The following PHEX variants were observed in gnomAD, a reference collection of about 807,000 sequenced individuals.
PHEX encodes phosphate-regulating neutral endopeptidase PHEX.
PHEX carries 16 observed loss-of-function variants against 68.0 expected under a neutral mutation model. The observed-to-expected ratio is 0.24, with a 90% CI of 0.16 to 0.36. PHEX has a LOEUF of 0.36. Ranked by LOEUF, PHEX falls within the 10% of genes least tolerant of loss-of-function variation. The pLI is 1.00. For synonymous variants in PHEX, 208 were observed against 205.1 expected (o/e 1.01, Z -0.12); for missense variants, 480 against 575.5 (o/e 0.83, Z 1.70).
rs1929222710 is a variant in PHEX, at chrX:22,077,728, T to G, written c.663+26T>G. On this transcript the variant is annotated intron_variant, in intron 5 of 21. Transcript: ENST00000379374. ...GTATAATGAGGACCCATTCATCTTC[T>G]TTGCTCAGTCCTAGATTAGCCTTTT... The G allele has an allele frequency of 2.7e-6, 3 of 1,109,330 alleles. No individual in the cohort carries two copies. The African/African-American group carries it at 5.4e-5, about 20-fold the overall frequency. The allele number at this position is 1,109,330 out of a possible 1,213,427, so 91.4% of individuals were successfully genotyped here. A position where few individuals can be genotyped will look rare whatever the true frequency, so the allele number is the denominator to read the frequency against.
intron 8 of PHEX, chrX:22,097,720 G>A: frequency 1.4e-6 from 1 of 725,457 alleles, no homozygotes; most frequent in Non-Finnish European, 1.6e-6. Context: ...TGGTGTTTTA[G>A]GTAGGATAGG....
At chrX:22,236,718 G>C (rs1935992703) in intron 20 of PHEX, among the ~76,000 whole-genome samples, 1 of 112,138 alleles carries the variant, frequency 8.9e-6, no homozygotes, top group African/African-American at 3.2e-5. Flanking sequence ...AGTCTTCAAA[G>C]CCTAAAATCT....
At chrX:22,105,626 A>C (rs1035028608) in intron 9 of PHEX, among the ~76,000 whole-genome samples, 1 of 111,994 alleles carries the variant, frequency 8.9e-6, no homozygotes, top group African/African-American at 3.2e-5. Context: ...AGCAAATGCA[A>C]GTTCTGGAAT....
intron 1 of PHEX, among the ~76,000 whole-genome samples, chrX:22,034,969 A>G (rs1926945026): frequency 9.2e-6 from 1 of 108,872 alleles, no homozygotes; most frequent in Non-Finnish European, 1.9e-5. Context: ...TCTGCCACCC[A>G]CCTCCACTCT....
At chrX:22,205,154 T>C (rs1222282298) in intron 15 of PHEX, among the ~76,000 whole-genome samples, 1 of 112,312 alleles carries the variant, frequency 8.9e-6, no homozygotes, top group African/African-American at 3.2e-5. Context: ...ACAGCAAATA[T>C]GGAAACAGAT....
At chrX:22,161,421 C>T (rs1933125364) in intron 12 of PHEX, among the ~76,000 whole-genome samples, 1 of 112,336 alleles carries the variant, frequency 8.9e-6, no homozygotes, top group Non-Finnish European at 1.9e-5. Flanking sequence ...GTGAGACTGT[C>T]TCAAGACAAC....
chrX:22,139,835 C>T (rs1188016225), intron 12 of PHEX, among the ~76,000 whole-genome samples: 2 of 110,729 alleles, frequency 1.8e-5, no homozygotes, highest in South Asian at 3.9e-4. Context: ...CACTGCCACA[C>T]CCAGCCAACA....
chrX:22,226,543 T>G (rs761086710), intron 19 of PHEX, 35 bp downstream of exon 19: 1 of 1,105,249 alleles, frequency 9.0e-7, no homozygotes, highest in Non-Finnish European at 1.3e-6. Flanking sequence ...GTTCTAAAAA[T>G]CAAGCCATAA....
intron 21 of PHEX, among the ~76,000 whole-genome samples, chrX:22,246,321 A>G (rs1258655894): frequency 8.9e-6 from 1 of 112,076 alleles, no homozygotes; most frequent in Middle Eastern, 4.2e-3. Context: ...TTATATCTGG[A>G]TATCTTTATA....
intron 9 of PHEX, among the ~76,000 whole-genome samples, chrX:22,104,081 G>A (rs1030521952): frequency 2.9e-4 from 32 of 111,708 alleles, no homozygotes; most frequent in African/African-American, 7.8e-4. Flanking sequence ...TATGTTTGTT[G>A]GCCCTTTGTA....
chrX:22,092,749 CTTTT>C (rs370527485), intron 6 of PHEX, among the ~76,000 whole-genome samples: 91 of 77,927 alleles, frequency 1.2e-3, no homozygotes, highest in African/African-American at 5.0e-3. Context: ...TTCTTTCTTT[CTTTT>C]TTTTTTTTTT....
intron 16 of PHEX, among the ~76,000 whole-genome samples, chrX:22,216,492 C>CTTA (rs1268760464): frequency 1.1e-5 from 1 of 88,041 alleles, no homozygotes; most frequent in Admixed American, 1.2e-4. Context: ...TTTTTTTATG[C>CTTA]TTATTTATTT....
intron 3 of PHEX, among the ~76,000 whole-genome samples, chrX:22,062,829 C>T (rs1278976767): frequency 9.1e-6 from 1 of 109,878 alleles, no homozygotes; most frequent in Non-Finnish European, 1.9e-5. Context: ...GGTGTGATCT[C>T]GGCTCACTGC....
Position 22,096,509 on chromosome X carries a change from A to C in PHEX, c.850-446A>C, listed in dbSNP as rs372085855. ...GCTGTTGACAAAATGATCACGGGGA[A>C]CAGTGGCATCCAGATAGTCTTGTGT... On this transcript the variant is annotated intron_variant, in intron 7 of 21. Coordinates refer to ENST00000379374, the MANE Select transcript of PHEX (RefSeq NM_000444.6). Among the ~76,000 whole-genome samples the C allele has an allele frequency of 4.5e-5, 5 of 112,268 alleles. No homozygotes were observed. The East Asian group carries it at 1.4e-3, about 32-fold the overall frequency.
At chrX:22,088,799 G>C (rs1929730387) in intron 5 of PHEX, among the ~76,000 whole-genome samples, 1 of 111,461 alleles carries the variant, frequency 9.0e-6, no homozygotes, top group African/African-American at 3.3e-5. Flanking sequence ...TTTGTTCAAT[G>C]TCGATAAAGT....
Position 22,072,238 on chromosome X carries a change from A to C in PHEX, c.350-4150A>C, listed in dbSNP as rs957742641. ...CGAGACTCCATCTCAAAACAAACAAACACACAAAAACAAAAAACAAAAAAT... is the reference window on the plus strand; with the variant it reads ...CGAGACTCCATCTCAAAACAAACAACCACACAAAAACAAAAAACAAAAAAT... On this transcript the variant is annotated intron_variant, in intron 3 of 21. Coordinates refer to ENST00000379374, the MANE Select transcript of PHEX (RefSeq NM_000444.6). 1.9e-4 allele frequency among the ~76,000 whole-genome samples: 21 copies of C among 109,602 alleles called. 1 individual carries two copies. Among genetic ancestry groups the C allele is most frequent in the Admixed American group, 1.5e-3 (15 of 10,233 alleles).
At chrX:22,059,053 C>T (rs1191747763) in intron 3 of PHEX, among the ~76,000 whole-genome samples, 1 of 111,760 alleles carries the variant, frequency 8.9e-6, no homozygotes, top group Non-Finnish European at 1.9e-5. Flanking sequence ...TTTCCACCTG[C>T]CTCGGCTTCC....
intron 12 of PHEX, among the ~76,000 whole-genome samples, chrX:22,142,539 G>C (rs1932514161): frequency 9.0e-6 from 1 of 111,617 alleles, no homozygotes; most frequent in Non-Finnish European, 1.9e-5. Context: ...TTATTATTTT[G>C]GGGTTATTAT....
At chrX:22,206,113 A>G (rs946369050) in intron 15 of PHEX, among the ~76,000 whole-genome samples, 8 of 112,395 alleles carry the variant, frequency 7.1e-5, no homozygotes, top group African/African-American at 2.6e-4. Context: ...TAGTTCGGCA[A>G]TGATAGCAAG....
Sources: gnomAD v4.1 joint callset for allele counts (sites outside exome capture counted in the v4.1 genomes callset) on GRCh38, gnomAD v4.1.1 for gene constraint, MANE v1.5 for transcripts, NCBI Gene and HGNC (gene_info 2026-07-23, HGNC 2026-07-21) for gene names.